TRPM6: variants seen among roughly 807,000 people sequenced by gnomAD.
The protein encoded by TRPM6 is transient receptor potential cation channel subfamily M member 6.
Under a neutral mutation model 247.6 loss-of-function variants are expected in TRPM6, and 111 were observed. That is an observed-to-expected ratio of 0.45 (90% CI 0.38 to 0.52). The LOEUF (loss-of-function observed/expected upper bound fraction) is 0.52. Among genes scored for constraint, TRPM6 ranks in the 20% least tolerant of loss-of-function variants. The probability of loss-of-function intolerance (pLI) is 0.00; values close to 1 mark genes in which losing one functional copy is unlikely to be tolerated. For synonymous variants in TRPM6, 892 were observed against 853.8 expected (o/e 1.04, Z -0.78); for missense variants, 2,126 against 2,421.5 (o/e 0.88, Z 2.56).
chr9:74,820,367 A>G lies in TRPM6; in HGVS notation c.1071T>C (p.Phe357=). The G allele has an allele frequency of 6.2e-7, 1 of 1,614,120 alleles. No homozygotes were observed. The highest frequency in any genetic ancestry group is 8.5e-7 in the Non-Finnish European group (1 of 1,179,962). ...IICMIQNTFN[F]SLKQSKHLFQ... ...AAAGGTGCTTGGACTGTTTAAGACT[A>G]AAGTTGAAAGTGTTCTGAATCATGC... The change falls in exon 9 of 39, where the codon TTT becomes TTC. Residue 357 remains phenylalanine (F), a synonymous_variant. Coordinates refer to ENST00000360774, the MANE Select transcript of TRPM6 (RefSeq NM_017662.5).
At chr9:74,842,724 C>A (rs1386840622) in intron 3 of TRPM6, among the ~76,000 whole-genome samples, 1 of 152,204 alleles carries the variant, frequency 6.6e-6, no homozygotes, top group Non-Finnish European at 1.5e-5. Flanking sequence ...TGTTCAATAG[C>A]ATTACGTCTA....
At chr9:74,786,672 G>A (rs757334729) in intron 20 of TRPM6, among the ~76,000 whole-genome samples, 16 of 152,008 alleles carry the variant, frequency 1.1e-4, no homozygotes, top group South Asian at 2.1e-4. Context: ...CCCGGGAGGC[G>A]GAGCTTGCAG....
At chr9:74,805,962 CATTATATTAAGGAATTATTCATTG>C (rs1409883328) in intron 14 of TRPM6, among the ~76,000 whole-genome samples, 3 of 152,062 alleles carry the variant, frequency 2.0e-5, no homozygotes. Context: ...TTGGATATTT[CATTATATTAAGGAATTATTCATTG>C]ATTATATTAA....
chr9:74,803,759 T>G (rs775410395), intron 15 of TRPM6, 35 bp downstream of exon 15: 9 of 1,470,392 alleles, frequency 6.1e-6, no homozygotes, highest in Non-Finnish European at 8.6e-6. Context: ...GCAAAAAACA[T>G]TTTCCTTTCA....
chr9:74,820,218 T>C lies in TRPM6; in HGVS notation c.1134+86A>G, dbSNP rs1741910216. The C allele has an allele frequency of 2.0e-6, 3 of 1,483,172 alleles. No homozygotes were observed. The Admixed American group carries it at 5.2e-5, about 25-fold the overall frequency. The allele number at this position is 1,483,172 out of a possible 1,614,324, so 91.9% of individuals were successfully genotyped here. On this transcript the variant is annotated intron_variant, in intron 9 of 38. Transcript: ENST00000360774. ...GTTCCCCTTCCTGTGTCCACCATGT[T>C]TTTTTTTAATTGTGAAAATAAATAT...
chr9:74,738,255 G>T, intron 36 of TRPM6, 152 bp downstream of exon 36: 2 of 778,128 alleles, frequency 2.6e-6, no homozygotes, highest in South Asian at 1.5e-5. Context: ...CAGATTCCAT[G>T]ATTATCACTG....
chr9:74,755,356 T>A lies in TRPM6; in HGVS notation c.4903A>T (p.Thr1635Ser). Residue 1635 changes from threonine (T) to serine (S), a missense_variant, in exon 28 of 39, where the codon ACA becomes TCA. By Grantham distance (58) the Thr-to-Ser change is moderately conservative. Around this residue, in one of 3 missense-constraint regions of TRPM6, gnomAD observed 717 missense variants for 715.9 expected, o/e 1.00. Transcript: ENST00000360774. ...CAAAATTGTAGATGTTACATACCTG[T>A]GTGACTAAATTTGGACACTGTGAAC... ...NWFTVSKFSH[T>S]GVEPYIHQKM... 1 of 1,614,080 alleles carries A rather than the reference T, an allele frequency of 6.2e-7. No homozygotes were observed. The highest frequency in any genetic ancestry group is 8.5e-7 in the Non-Finnish European group (1 of 1,179,972).
rs1830451585 is a variant in TRPM6, at chr9:74,854,142, G to A, written c.152+1385C>T. Among the ~76,000 whole-genome samples, 2 of 152,106 alleles carry A rather than the reference G, an allele frequency of 1.3e-5. 1 individual carries two copies. Among genetic ancestry groups the A allele is most frequent in the South Asian group, 4.1e-4 (2 of 4,828 alleles). On this transcript the variant is annotated intron_variant, in intron 3 of 38. Coordinates refer to ENST00000360774, the MANE Select transcript of TRPM6 (RefSeq NM_017662.5). ...ACTAGGAGAGACTGCTCAGTAACTCGTATTAGGACATTTGGCTCTCCCTAT... is the reference window on the plus strand; with the variant it reads ...ACTAGGAGAGACTGCTCAGTAACTCATATTAGGACATTTGGCTCTCCCTAT...
intron 5 of TRPM6, among the ~76,000 whole-genome samples, chr9:74,837,703 C>T (rs955386183): frequency 2.0e-5 from 3 of 151,446 alleles, no homozygotes; most frequent in Non-Finnish European, 2.9e-5. Flanking sequence ...ACCTTGGGCT[C>T]CCAAAGTGTT....
chr9:74,807,744 C>T (rs1226006424), intron 14 of TRPM6, among the ~76,000 whole-genome samples: 2 of 152,098 alleles, frequency 1.3e-5, no homozygotes, highest in Non-Finnish European at 2.9e-5. Flanking sequence ...CTCTAACCTG[C>T]CTCATCACAT....
intron 31 of TRPM6, among the ~76,000 whole-genome samples, chr9:74,745,067 G>A (rs1455641170): frequency 2.6e-5 from 4 of 152,196 alleles, no homozygotes; most frequent in East Asian, 1.9e-4. Flanking sequence ...CCACCCTACC[G>A]AAAAGCAAAT....
intron 30 of TRPM6, among the ~76,000 whole-genome samples, chr9:74,750,360 A>G (rs2118784131): frequency 6.6e-6 from 1 of 152,334 alleles, no homozygotes; most frequent in Admixed American, 6.5e-5. Flanking sequence ...AATCTTATCT[A>G]TCCAAAAAGA....
chr9:74,771,850 A>G lies in TRPM6; in HGVS notation c.3404-15T>C. On this transcript the variant is annotated splice_polypyrimidine_tract_variant and intron_variant, in intron 24 of 38. Transcript: ENST00000360774. ...GAGGTAGAGTTCTATAGAAATAAGT[A>G]TGAAACACAGAAAGAATCATTATTC... 1 of 1,612,852 alleles carries G rather than the reference A, an allele frequency of 6.2e-7. No homozygotes were observed. The highest frequency in any genetic ancestry group is 8.5e-7 in the Non-Finnish European group (1 of 1,179,106).
chr9:74,792,525 A>G (rs1288556575), intron 19 of TRPM6, 99 bp downstream of exon 19: 1 of 1,345,572 alleles, frequency 7.4e-7, no homozygotes, highest in Non-Finnish European at 1.1e-6. Flanking sequence ...CTAGGTTTCT[A>G]CATTTTTAAT....
intron 1 of TRPM6, among the ~76,000 whole-genome samples, chr9:74,869,919 G>C (rs1830970273): frequency 6.6e-6 from 1 of 152,136 alleles, no homozygotes; most frequent in African/African-American, 2.4e-5. Flanking sequence ...TTCCTTCTTG[G>C]TAAATTTGCC....
Position 74,734,237 on chromosome 9 carries a change from C to T in TRPM6, c.5777-1501G>A, listed in dbSNP as rs534510150. Among the ~76,000 whole-genome samples the T allele has an allele frequency of 2.6e-5, 4 of 152,266 alleles. No individual in the cohort carries two copies. In the South Asian group the frequency reaches 6.2e-4, roughly 24 times the overall value. ...TGAGATCATTCTCTAATCAACCATG[C>T]TTCTGTTTGCTTGAAAGCAACTAAC... On this transcript the variant is annotated intron_variant, in intron 36 of 38. Coordinates refer to ENST00000360774, the MANE Select transcript of TRPM6 (RefSeq NM_017662.5).
intron 1 of TRPM6, among the ~76,000 whole-genome samples, chr9:74,863,001 T>A (rs1416530125): frequency 6.6e-6 from 1 of 151,848 alleles, no homozygotes; most frequent in South Asian, 2.1e-4. Flanking sequence ...AATAAATAGT[T>A]TTATGCATGA....
At chr9:74,735,485 G>A (rs1358514825) in intron 36 of TRPM6, among the ~76,000 whole-genome samples, 1 of 152,084 alleles carries the variant, frequency 6.6e-6, no homozygotes, top group Non-Finnish European at 1.5e-5. Flanking sequence ...ATTTTTTTAT[G>A]TAGTAGCAGA....
At chr9:74,866,055 C>G (rs1213136887) in intron 1 of TRPM6, among the ~76,000 whole-genome samples, 2 of 152,184 alleles carry the variant, frequency 1.3e-5, no homozygotes, top group African/African-American at 4.8e-5. Context: ...AATCCCAGCA[C>G]TTTGGGAGGC....
Sources: gnomAD v4.1 joint callset for allele counts (sites outside exome capture counted in the v4.1 genomes callset) on GRCh38, gnomAD v4.1.1 for gene constraint, gnomAD v4.1.1 regional missense constraint, MANE v1.5 for transcripts, NCBI Gene and HGNC (gene_info 2026-07-23, HGNC 2026-07-21) for gene names.